The following CDH4 variants were observed in gnomAD, a reference collection of about 807,000 sequenced individuals.
The protein encoded by CDH4 is cadherin-4.
CDH4 carries 33 observed loss-of-function variants against 86.0 expected under a neutral mutation model. The ratio of observed to expected loss-of-function variants is 0.38; its 90% CI spans 0.29 to 0.51. The LOEUF (loss-of-function observed/expected upper bound fraction) is 0.51. CDH4 is among the 20% of genes least tolerant of loss of function. The probability of loss-of-function intolerance (pLI) is 0.86; values close to 1 mark genes in which losing one functional copy is unlikely to be tolerated. For missense variants in CDH4, 1,114 were observed against 1,307.4 expected, an observed-to-expected ratio of 0.85 and a Z score of 2.28; for synonymous variants, 555 against 549.4, an observed-to-expected ratio of 1.01 and a Z score of -0.14.
intron 2 of CDH4, among the ~76,000 whole-genome samples, chr20:61,586,566 G>A (rs1427081410): frequency 6.6e-6 from 1 of 152,174 alleles, no homozygotes; most frequent in South Asian, 2.1e-4. Flanking sequence ...GCCCACCCAG[G>A]TCTTAGCACA....
intron 2 of CDH4, among the ~76,000 whole-genome samples, chr20:61,677,493 A>C (rs2087456011): frequency 6.6e-6 from 1 of 152,338 alleles, no homozygotes; most frequent in East Asian, 1.9e-4. Context: ...ACCTGACGAT[A>C]ATACAACTGT....
chr20:61,375,417 G>A (rs886190664), intron 2 of CDH4, among the ~76,000 whole-genome samples: 1 of 152,000 alleles, frequency 6.6e-6, no homozygotes, highest in African/African-American at 2.4e-5. Context: ...AGGTGTTGGT[G>A]ATGGTGCTGG....
At chr20:61,281,154 A>G (rs1406424786) in intron 2 of CDH4, among the ~76,000 whole-genome samples, 1 of 152,174 alleles carries the variant, frequency 6.6e-6, no homozygotes, top group African/African-American at 2.4e-5. Flanking sequence ...TGGCTCTGTC[A>G]TGGGCTTATG....
chr20:61,528,254 G>T (rs993577607), intron 2 of CDH4, among the ~76,000 whole-genome samples: 2 of 151,386 alleles, frequency 1.3e-5, no homozygotes, highest in African/African-American at 4.9e-5. Flanking sequence ...GTGTGTGCCT[G>T]TAATCCCAGC....
chr20:61,761,943 CGGCA>C (rs1434492919), intron 3 of CDH4, among the ~76,000 whole-genome samples: 5 of 152,020 alleles, frequency 3.3e-5, no homozygotes, highest in African/African-American at 9.7e-5. Flanking sequence ...CAGCGCCGCA[CGGCA>C]GGCAGCTCCG....
Position 61,599,748 on chromosome 20 carries a change from C to A in CDH4, c.170-143815C>A, listed in dbSNP as rs534858970. 1.5e-5 allele frequency: 15 copies of A among 978,438 alleles called. No homozygotes were observed. In the East Asian group the frequency reaches 1.5e-3, roughly 97 times the overall value. 60.6% of individuals were successfully genotyped at this position (978,438 alleles called of 1,614,324 possible). ...CCCCGCTCCTCCTCCTGACGCGGCT[C>A]TGCCTCTCCCACGCACTGGCGCTCT... On this transcript the variant is annotated intron_variant, in intron 2 of 15. Coordinates refer to ENST00000614565, the MANE Select transcript of CDH4 (RefSeq NM_001794.5).
At chr20:61,606,423 G>T (rs1379389240) in intron 2 of CDH4, among the ~76,000 whole-genome samples, 1 of 152,214 alleles carries the variant, frequency 6.6e-6, no homozygotes, top group African/African-American at 2.4e-5. Context: ...GGGGAGCTGG[G>T]ATTTGAACCC....
At chr20:61,314,122 A>C (rs2084463128) in intron 2 of CDH4, among the ~76,000 whole-genome samples, 1 of 152,214 alleles carries the variant, frequency 6.6e-6, no homozygotes, top group African/African-American at 2.4e-5. Context: ...TTTTGTGGTG[A>C]GAGGTGAGAA....
At chr20:61,686,827 G>T (rs567133826) in intron 2 of CDH4, among the ~76,000 whole-genome samples, 1 of 152,336 alleles carries the variant, frequency 6.6e-6, no homozygotes, top group African/African-American at 2.4e-5. Flanking sequence ...GGTCATGTGT[G>T]CAGGGTTTGT....
chr20:61,735,168 G>A (rs1055490162), intron 2 of CDH4, among the ~76,000 whole-genome samples: 53 of 152,294 alleles, frequency 3.5e-4, no homozygotes, highest in African/African-American at 1.2e-3. Flanking sequence ...CCCACTCCAG[G>A]GAGATGTGTG....
chr20:61,661,046 C>T (rs1464165754), intron 2 of CDH4, among the ~76,000 whole-genome samples: 2 of 117,860 alleles, frequency 1.7e-5, no homozygotes, highest in Admixed American at 9.8e-5. Flanking sequence ...CAGAAAGAAG[C>T]CATGGATGGA....
At chr20:61,293,666 C>T (rs575079291) in intron 2 of CDH4, among the ~76,000 whole-genome samples, 4 of 152,310 alleles carry the variant, frequency 2.6e-5, no homozygotes, top group African/African-American at 4.8e-5. Flanking sequence ...CTCCAAGCCT[C>T]GGTTTTCTCC....
At chr20:61,279,500 C>T (rs137917040) in intron 2 of CDH4, among the ~76,000 whole-genome samples, 60 of 151,636 alleles carry the variant, frequency 4.0e-4, no homozygotes, top group East Asian at 1.6e-3. Context: ...GGGGTGGGGG[C>T]GGGGCCTTCC....
At chr20:61,435,554 C>T (rs2085276307) in intron 2 of CDH4, 1 of 152,500 alleles carries the variant, frequency 6.6e-6, no homozygotes, top group Non-Finnish European at 1.5e-5. Context: ...TGCAAGGGGA[C>T]AGTGATACTT....
intron 3 of CDH4, among the ~76,000 whole-genome samples, chr20:61,748,152 A>G (rs957300257): frequency 2.0e-5 from 3 of 152,014 alleles, no homozygotes; most frequent in African/African-American, 4.8e-5. Flanking sequence ...CTTTTTTTTG[A>G]GACAGAGTCT....
At chr20:61,639,088 G>GA (rs1403815828) in intron 2 of CDH4, among the ~76,000 whole-genome samples, 1 of 152,234 alleles carries the variant, frequency 6.6e-6, no homozygotes, top group Non-Finnish European at 1.5e-5. Context: ...ACAAGAGAAA[G>GA]AAAGGGGCAG....
At chr20:61,322,023 T>G (rs981921221) in intron 2 of CDH4, among the ~76,000 whole-genome samples, 1 of 152,128 alleles carries the variant, frequency 6.6e-6, no homozygotes, top group African/African-American at 2.4e-5. Flanking sequence ...AAGGTGACAT[T>G]GAACATGAAA....
At chr20:61,543,219 G>A (rs186564824) in intron 2 of CDH4, among the ~76,000 whole-genome samples, 1 of 152,316 alleles carries the variant, frequency 6.6e-6, no homozygotes, top group Non-Finnish European at 1.5e-5. Context: ...CGCCCTCACA[G>A]ACACACCCAG....
chr20:61,600,496 G>A (rs1219332076), intron 2 of CDH4, among the ~76,000 whole-genome samples: 1 of 152,186 alleles, frequency 6.6e-6, no homozygotes, highest in East Asian at 1.9e-4. Flanking sequence ...CCATAGTGGT[G>A]CTCAGGTGGC....
Sources: allele counts gnomAD v4.1 joint callset (sites outside exome capture counted in the v4.1 genomes callset), GRCh38; gene constraint gnomAD v4.1.1; transcripts MANE v1.5; gene names NCBI Gene and HGNC (gene_info 2026-07-23, HGNC 2026-07-21).